Variants in SEMA4A observed in about 807,000 individuals in gnomAD.
The protein encoded by SEMA4A is semaphorin 4A.
Under a neutral mutation model 72.5 loss-of-function variants are expected in SEMA4A, and 52 were observed. That is an observed-to-expected ratio of 0.72 (90% confidence interval 0.57 to 0.90). The LOEUF (loss-of-function observed/expected upper bound fraction) is 0.90, where lower values mean the gene tolerates loss of function less well. Ranked by LOEUF, SEMA4A falls within the 40% of genes least tolerant of loss-of-function variation. The probability of loss-of-function intolerance (pLI) is 0.00; values close to 1 mark genes in which losing one functional copy is unlikely to be tolerated. For synonymous variants in SEMA4A, 369 were observed against 393.1 expected (o/e 0.94, Z 0.73); for missense variants, 926 against 959.7 (o/e 0.96, Z 0.46).
upstream of SEMA4A, among the ~76,000 whole-genome samples, chr1:156,151,723 C>A (rs1341950123): frequency 2.0e-5 from 3 of 151,294 alleles, no homozygotes; most frequent in Non-Finnish European, 4.4e-5. Flanking sequence ...GTAGTCTCAG[C>A]TACCTGGGAG....
upstream of SEMA4A, chr1:156,150,310 G>C (rs1188149569): frequency 6.5e-6 from 1 of 152,950 alleles, no homozygotes; most frequent in Non-Finnish European, 1.5e-5. Flanking sequence ...AAAAGGCTGG[G>C]AGACAGTGGG....
intron 10 of SEMA4A, among the ~76,000 whole-genome samples, chr1:156,164,616 TCTCCTAACGTAGTTTTC>T (rs1419351819): frequency 6.6e-6 from 1 of 152,068 alleles, no homozygotes. Flanking sequence ...CCACCCCCAA[TCTCCTAACGTAGTTTTC>T]TAGTAATTTT....
intron 10 of SEMA4A, among the ~76,000 whole-genome samples, chr1:156,170,460 CAAA>C (rs35927446): frequency 2.5e-5 from 1 of 40,302 alleles, no homozygotes; most frequent in Non-Finnish European, 4.4e-5. Flanking sequence ...GATACTGTCT[CAAA>C]AAAAAAAAAA....
chr1:156,173,081 T>C, intron 11 of SEMA4A, 75 bp downstream of exon 11: 3 of 1,411,450 alleles, frequency 2.1e-6, no homozygotes, highest in Non-Finnish European at 2.0e-6. Flanking sequence ...GGGAAACCCT[T>C]GAGTTCATTC....
intron 10 of SEMA4A, 176 bp downstream of exon 10, chr1:156,163,270 T>G: frequency 1.5e-6 from 1 of 682,836 alleles, no homozygotes; most frequent in Non-Finnish European, 2.5e-6. Flanking sequence ...CCTAGCACCC[T>G]TTTATACACG....
At chr1:156,166,356 A>G (rs1654158011) in intron 10 of SEMA4A, among the ~76,000 whole-genome samples, 1 of 152,094 alleles carries the variant, frequency 6.6e-6, no homozygotes, top group African/African-American at 2.4e-5. Context: ...TCTTCTTTTC[A>G]TTCAACAAAT....
Position 156,176,682 on chromosome 1 carries a change from C to T in SEMA4A, c.1971C>T (p.Pro657=), listed in dbSNP as rs866734467. ...LALDPELAGI[P]REHVKVPLTR... is the part of the protein sequence containing the mutation. ...TGGATCCTGAACTGGCAGGCATCCCCCGGGAGCATGTGAAGGTCCCGTTGA... is the reference window on the plus strand; with the variant it reads ...TGGATCCTGAACTGGCAGGCATCCCTCGGGAGCATGTGAAGGTCCCGTTGA... Residue 657 remains proline, a synonymous_variant, in exon 15 of 15, where the codon CCC becomes CCT. Coordinates refer to ENST00000368285, the MANE Select transcript of SEMA4A (RefSeq NM_022367.4). 6.2e-7 allele frequency: 1 copy of T among 1,614,172 alleles called. No homozygotes were observed. The highest frequency in any genetic ancestry group is 1.7e-5 in the Admixed American group (1 of 60,032).
chr1:156,156,254 G>A (rs1426228249), intron 2 of SEMA4A, 160 bp from the exon 3 acceptor site: 6 of 700,712 alleles, frequency 8.6e-6, no homozygotes, highest in Non-Finnish European at 1.5e-5. Context: ...GTGTTGGGGT[G>A]GGGTGAAGGG....
In SEMA4A at chr1:156,177,180, T is replaced by C. The variant is rs942740876; in HGVS notation, c.*183T>C. On this transcript the variant is annotated 3_prime_UTR_variant, in exon 15 of 15. Coordinates refer to ENST00000368285, the MANE Select transcript of SEMA4A (RefSeq NM_022367.4). The stretch of plus-strand genomic sequence containing the variant: ...GTGATGCACAGCAGTCTGCCTCCCC[T>C]ATGGGACTCCCTTCTACCAAGCACA... 1.0e-5 allele frequency: 7 copies of C among 679,086 alleles called. No individual in the cohort carries two copies. The highest frequency in any genetic ancestry group is 1.8e-5 in the Non-Finnish European group (7 of 378,956). 42.1% of individuals were successfully genotyped at this position (679,086 alleles called of 1,614,324 possible). A position where few individuals can be genotyped will look rare whatever the true frequency, so the allele number is the denominator to read the frequency against.
Position 156,168,837 on chromosome 1 carries a change from G to A in SEMA4A, c.1135-3989G>A, listed in dbSNP as rs1281991536. On this transcript the variant is annotated intron_variant, in intron 10 of 14. Coordinates refer to ENST00000368285, the MANE Select transcript of SEMA4A (RefSeq NM_022367.4). ...TTAGACCTCCAGTCAGTTTCCCAGA[G>A]CAGCCTCTTCTAGTCTTCTGTGCAG... 7.9e-5 allele frequency among the ~76,000 whole-genome samples: 12 copies of A among 152,252 alleles called. No individual in the cohort carries two copies. In the South Asian group the frequency reaches 1.9e-3, roughly 24 times the overall value.
chr1:156,154,769 G>T, intron 2 of SEMA4A, 52 bp downstream of exon 2: 1 of 1,554,840 alleles, frequency 6.4e-7, no homozygotes, highest in Non-Finnish European at 8.7e-7. Context: ...AGCTGGAGGT[G>T]GGTGGAGGAA....
upstream of SEMA4A, among the ~76,000 whole-genome samples, chr1:156,151,904 A>G (rs1044906432): frequency 6.6e-6 from 1 of 151,566 alleles, no homozygotes; most frequent in Non-Finnish European, 1.5e-5. Context: ...GCCCTGTTGA[A>G]AGTCCTCAGA....
Position 156,174,918 on chromosome 1 carries a change from A to G in SEMA4A, c.1412A>G (p.Asn471Ser), listed in dbSNP as rs766787575. Residue 471 changes from asparagine to serine, a missense_variant, in exon 12 of 15, where the codon AAC becomes AGC. Physicochemically the swap from Asn to Ser is conservative, Grantham distance 46 (BLOSUM62 1). Transcript: ENST00000368285. ...TTCCCTGACCCTGAACCTGTTCGCA[A>G]CCTGCAGCTGGCCCCCACCCAGGTG... ...QLFPDPEPVRNLQLAPTQGAV... is the reference protein window; with the variant it reads ...QLFPDPEPVRSLQLAPTQGAV... 3.7e-6 allele frequency: 6 copies of G among 1,614,152 alleles called. No individual in the cohort carries two copies. The highest frequency in any genetic ancestry group is 5.1e-6 in the Non-Finnish European group (6 of 1,180,006).
In SEMA4A at chr1:156,157,967, T is replaced by C. The variant is rs1653198934; in HGVS notation, c.301-103T>C. ...CATCAGCATGTCACTAACCACCATG[T>C]CTGCTGGTTATTTCACATCAGAGCA... On this transcript the variant is annotated intron_variant, in intron 3 of 14. Coordinates refer to ENST00000368285, the MANE Select transcript of SEMA4A (RefSeq NM_022367.4). The surrounding 1 kb of genome is among the most constrained non-coding windows in gnomAD (Gnocchi z 4.5). The C allele has an allele frequency of 1.8e-6, 2 of 1,132,412 alleles. No homozygotes were observed. Among genetic ancestry groups the C allele is most frequent in the Admixed American group, 1.9e-5 (1 of 52,606 alleles). 70.1% of individuals were successfully genotyped at this position (1,132,412 alleles called of 1,614,324 possible).
chr1:156,158,216 C>T (rs566641480), intron 4 of SEMA4A, 84 bp downstream of exon 4: 35 of 1,495,144 alleles, frequency 2.3e-5, no homozygotes, highest in South Asian at 2.2e-4. Context: ...TCAGGTTGGG[C>T]GGCAGTGGAG....
chr1:156,169,565 G>A (rs552033794), intron 10 of SEMA4A, among the ~76,000 whole-genome samples: 9 of 150,350 alleles, frequency 6.0e-5, no homozygotes, highest in East Asian at 3.9e-4. Flanking sequence ...GACTACAGGC[G>A]CCCGCCACCA....
At chr1:156,169,489 G>C (rs1401745927) in intron 10 of SEMA4A, among the ~76,000 whole-genome samples, 1 of 140,948 alleles carries the variant, frequency 7.1e-6, no homozygotes, top group Non-Finnish European at 1.5e-5. Flanking sequence ...GTGCGATCTC[G>C]GCTCACTGCA....
chr1:156,176,453 C>T lies in SEMA4A; in HGVS notation c.1742C>T (p.Pro581Leu). 1.9e-6 allele frequency: 3 copies of T among 1,614,182 alleles called. No homozygotes were observed. The highest frequency in any genetic ancestry group is 2.5e-6 in the Non-Finnish European group (3 of 1,180,028). ...AACTCCATCCTGGAGCTCCCCTGCC[C>T]CCACCTGTCAGCCTTGGCCTCTTAT... ...VPNSILELPC[P>L]HLSALASYYW... Residue 581 changes from proline to leucine, a missense_variant, in exon 15 of 15, where the codon CCC (proline) becomes CTC (leucine). Physicochemically the swap from Pro to Leu is moderately conservative, Grantham distance 98. Coordinates refer to ENST00000368285, the MANE Select transcript of SEMA4A (RefSeq NM_022367.4).
chr1:156,177,161 C>A lies in SEMA4A; in HGVS notation c.*164C>A. The stretch of plus-strand genomic sequence containing the variant: ...ACTGATGACACTCAGCAGGGTGATG[C>A]ACAGCAGTCTGCCTCCCCTATGGGA... On this transcript the variant is annotated 3_prime_UTR_variant, in exon 15 of 15. Transcript: ENST00000368285. 1.4e-6 allele frequency: 1 copy of A among 718,506 alleles called. No homozygotes were observed. Among genetic ancestry groups the A allele is most frequent in the Non-Finnish European group, 2.5e-6 (1 of 407,194 alleles). 44.5% of individuals were successfully genotyped at this position (718,506 alleles called of 1,614,324 possible).
Sources: allele counts gnomAD v4.1 joint callset (sites outside exome capture counted in the v4.1 genomes callset), GRCh38; gene constraint gnomAD v4.1.1; non-coding constraint Gnocchi (gnomAD v3.1); transcripts MANE v1.5; gene names NCBI Gene and HGNC (gene_info 2026-07-23, HGNC 2026-07-21).